The following SLC4A4 variants were observed in gnomAD, a reference collection of about 807,000 sequenced individuals.
The protein encoded by SLC4A4 is electrogenic sodium bicarbonate cotransporter 1.
Under a neutral mutation model 111.5 loss-of-function variants are expected in SLC4A4, and 27 were observed. That is an observed-to-expected ratio of 0.24 (90% CI 0.18 to 0.33). SLC4A4 has a LOEUF of 0.33. Ranked by LOEUF, SLC4A4 falls within the 10% of genes least tolerant of loss-of-function variation. The pLI, the probability that SLC4A4 is intolerant of heterozygous loss-of-function variation, is 1.00. For missense variants in SLC4A4, 909 were observed against 1,315.5 expected (o/e 0.69, Z 4.78); for synonymous variants, 443 against 463.4 (o/e 0.96, Z 0.57).
chr4:71,088,341 G>T (rs543545386), intron 1 of SLC4A4, among the ~76,000 whole-genome samples: 41 of 151,806 alleles, frequency 2.7e-4, no homozygotes, highest in Admixed American at 1.5e-3. Context: ...ACACTGATGG[G>T]TCTTGACTCT....
At chr4:71,228,519 A>ATGAGCT (rs777649377) in intron 1 of SLC4A4, among the ~76,000 whole-genome samples, 4 of 152,194 alleles carry the variant, frequency 2.6e-5, no homozygotes, top group Non-Finnish European at 5.9e-5. Context: ...CTGAAGTGGT[A>ATGAGCT]TAAGCTCATT....
At chr4:71,227,240 T>C (rs1271944058) in intron 1 of SLC4A4, among the ~76,000 whole-genome samples, 6 of 152,136 alleles carry the variant, frequency 3.9e-5, no homozygotes, top group Non-Finnish European at 7.3e-5. Flanking sequence ...GGAAATAGCA[T>C]GTACACGAAG....
chr4:71,497,401 C>T, intron 15 of SLC4A4, 100 bp from the exon 16 acceptor site: 2 of 986,066 alleles, frequency 2.0e-6, no homozygotes, highest in Non-Finnish European at 3.1e-6. Flanking sequence ...AACTGTTTTA[C>T]AGAAACTTTT....
chr4:71,194,918 A>G (rs1166831592), intron 1 of SLC4A4, among the ~76,000 whole-genome samples: 1 of 152,216 alleles, frequency 6.6e-6, no homozygotes, highest in South Asian at 2.1e-4. Context: ...AGCAAACAAC[A>G]TACACCTTAT....
intron 2 of SLC4A4, among the ~76,000 whole-genome samples, chr4:71,239,911 T>G (rs918282425): frequency 1.3e-5 from 2 of 152,138 alleles, no homozygotes; most frequent in African/African-American, 4.8e-5. Context: ...ATATTCATAT[T>G]TATTTCTTTA....
At chr4:71,509,213 C>T (rs4470597) in intron 16 of SLC4A4, among the ~76,000 whole-genome samples, 61,942 of 152,018 alleles carry the variant, frequency 0.41, 15,158 homozygotes, top group African/African-American at 0.64. Context: ...TGCCCTGTCT[C>T]ACCATTCTTA....
In SLC4A4 at chr4:71,486,976, A is replaced by G; in HGVS notation, c.1932A>G (p.Thr644=). 1 of 1,602,988 alleles carries G rather than the reference A, an allele frequency of 6.2e-7. No individual in the cohort carries two copies. The change falls in exon 15 of 26, where the codon ACA becomes ACG. Residue 644 remains threonine (T), a synonymous_variant. Transcript: ENST00000264485. ...ATATCTCAATATCTAATGACACCAC[A>G]CTGGCCCCAGAGTATTTGCCAACTA... is the stretch of plus-strand genomic sequence containing the variant. ...PANISISNDT[T]LAPEYLPTMS...
chr4:71,401,282 G>A (rs1307188897), intron 7 of SLC4A4, among the ~76,000 whole-genome samples: 11 of 152,186 alleles, frequency 7.2e-5, no homozygotes, highest in African/African-American at 2.4e-4. Context: ...ATGTGCTTAC[G>A]ATTTCAGTAG....
intron 6 of SLC4A4, among the ~76,000 whole-genome samples, chr4:71,395,443 C>T (rs1429590154): frequency 6.6e-6 from 1 of 152,126 alleles, no homozygotes; most frequent in African/African-American, 2.4e-5. Flanking sequence ...TCTTCTCTTC[C>T]TCATCTGGTT....
At chr4:71,341,045 T>C (rs1373462170) in intron 4 of SLC4A4, among the ~76,000 whole-genome samples, 2 of 152,198 alleles carry the variant, frequency 1.3e-5, no homozygotes, top group African/African-American at 4.8e-5. Flanking sequence ...TGGTCTCTCA[T>C]TGTCATCATT....
intron 7 of SLC4A4, among the ~76,000 whole-genome samples, chr4:71,415,527 C>T (rs1721755791): frequency 6.6e-6 from 1 of 152,144 alleles, no homozygotes; most frequent in Admixed American, 6.5e-5. Context: ...ACTTTGTAGT[C>T]TTCTCAGCTT....
chr4:71,492,085 G>C (rs576229965), intron 15 of SLC4A4, among the ~76,000 whole-genome samples: 2 of 151,538 alleles, frequency 1.3e-5, no homozygotes, highest in East Asian at 3.9e-4. Flanking sequence ...CTTGTGCAAA[G>C]CATCCTTGTG....
At chr4:71,218,676 C>T (rs1718571194) in intron 1 of SLC4A4, among the ~76,000 whole-genome samples, 1 of 152,086 alleles carries the variant, frequency 6.6e-6, no homozygotes, top group African/African-American at 2.4e-5. Context: ...TGACAACTTG[C>T]TTGCATCTTT....
intron 6 of SLC4A4, among the ~76,000 whole-genome samples, chr4:71,362,527 G>A (rs1054273138): frequency 2.0e-5 from 3 of 152,176 alleles, no homozygotes; most frequent in African/African-American, 7.2e-5. Context: ...TTGAATAGGA[G>A]TGGTTTCTGG....
At chr4:71,088,216 T>G (rs1742252091) in intron 1 of SLC4A4, among the ~76,000 whole-genome samples, 1 of 150,954 alleles carries the variant, frequency 6.6e-6, no homozygotes, top group Admixed American at 6.6e-5. Flanking sequence ...TATCAGAGAC[T>G]CGGATTGCAA....
At chr4:71,563,304 T>A (rs1474812728) in intron 23 of SLC4A4, among the ~76,000 whole-genome samples, 1 of 151,852 alleles carries the variant, frequency 6.6e-6, no homozygotes, top group Non-Finnish European at 1.5e-5. Context: ...CTAGTGTACA[T>A]AGAAGGCTTC....
chr4:71,332,088 T>C (rs563668425), intron 3 of SLC4A4, among the ~76,000 whole-genome samples: 1 of 152,320 alleles, frequency 6.6e-6, no homozygotes, highest in South Asian at 2.1e-4. Flanking sequence ...GGCTAAAGGT[T>C]TGTCATTTTT....
chr4:71,371,925 C>G (rs76361361), intron 6 of SLC4A4, among the ~76,000 whole-genome samples: 1 of 152,210 alleles, frequency 6.6e-6, no homozygotes, highest in Non-Finnish European at 1.5e-5. Flanking sequence ...TAGGGCCCAT[C>G]TTGGTCACCA....
chr4:71,082,972 GC>G (rs1742035004), intron 1 of SLC4A4, among the ~76,000 whole-genome samples: 1 of 151,740 alleles, frequency 6.6e-6, no homozygotes, highest in South Asian at 2.1e-4. Flanking sequence ...TTGTGCCTCA[GC>G]CTCCCAAGTA....
Sources: gnomAD v4.1 joint callset for allele counts (sites outside exome capture counted in the v4.1 genomes callset) on GRCh38, gnomAD v4.1.1 for gene constraint, MANE v1.5 for transcripts, NCBI Gene and HGNC (gene_info 2026-07-23, HGNC 2026-07-21) for gene names.